COL23A1: variants seen among roughly 807,000 people sequenced by gnomAD.
COL23A1 encodes the protein collagen alpha-1(XXIII) chain.
In COL23A1, 97 loss-of-function variants were observed where a neutral mutation model predicts 99.3. The observed-to-expected ratio is 0.98, with a 90% CI of 0.83 to 1.16. The LOEUF (loss-of-function observed/expected upper bound fraction) is 1.16, where lower values mean the gene tolerates loss of function less well. Among genes scored for constraint, COL23A1 ranks in the 50% most tolerant of loss-of-function variants. The pLI, the probability that COL23A1 is intolerant of heterozygous loss-of-function variation, is 0.00. For synonymous variants in COL23A1, 320 were observed against 308.2 expected, an observed-to-expected ratio of 1.04 and a Z score of -0.40; for missense variants, 762 against 757.4, an observed-to-expected ratio of 1.01 and a Z score of -0.07.
At chr5:178,258,617 T>G (rs550227546) in intron 12 of COL23A1, among the ~76,000 whole-genome samples, 5 of 151,806 alleles carry the variant, frequency 3.3e-5, no homozygotes, top group South Asian at 2.1e-4. Context: ...GGATGGTCTC[T>G]ATCTCCTGAC....
At chr5:178,311,517 T>C (rs1353317042) in intron 2 of COL23A1, among the ~76,000 whole-genome samples, 4 of 58,592 alleles carry the variant, frequency 6.8e-5, no homozygotes, top group Admixed American at 1.6e-4. Context: ...CGCGTGTGTG[T>C]GTGTGTGTGT....
chr5:178,245,017 C>A (rs922200044), intron 25 of COL23A1, among the ~76,000 whole-genome samples: 4 of 143,980 alleles, frequency 2.8e-5, no homozygotes, highest in African/African-American at 7.8e-5. Flanking sequence ...CCCTCCACTG[C>A]CATCATCATC....
intron 2 of COL23A1, among the ~76,000 whole-genome samples, chr5:178,419,312 G>A (rs1015663974): frequency 5.9e-5 from 9 of 152,150 alleles, no homozygotes; most frequent in Non-Finnish European, 1.3e-4. Flanking sequence ...AGAGCCAGTC[G>A]CATGGAGGGT....
At chr5:178,425,466 T>TAAATAAATAAAA (rs1446238837) in intron 2 of COL23A1, among the ~76,000 whole-genome samples, 14 of 130,482 alleles carry the variant, frequency 1.1e-4, no homozygotes, top group Admixed American at 2.9e-4. Context: ...AATAAATAAA[T>TAAATAAATAAAA]AAAAATAAAA....
At chr5:178,269,550 TCATCCATCCATC>T (rs57845966) in intron 6 of COL23A1, among the ~76,000 whole-genome samples, 1 of 60,760 alleles carries the variant, frequency 1.6e-5, no homozygotes, top group Non-Finnish European at 3.2e-5. Flanking sequence ...CACCCATCCA[TCATCCATCCATC>T]CATCCATCCA....
In COL23A1 at chr5:178,366,481, C is replaced by T. The variant is rs1029543292; in HGVS notation, c.362-59562G>A. Among the ~76,000 whole-genome samples, 3 of 152,202 alleles carry T rather than the reference C, an allele frequency of 2.0e-5. No homozygotes were observed. The highest frequency in any genetic ancestry group is 4.8e-5 in the African/African-American group (2 of 41,456). On this transcript the variant is annotated intron_variant, in intron 2 of 28. Coordinates refer to ENST00000390654, the MANE Select transcript of COL23A1 (RefSeq NM_173465.4). This position sits in a 1 kb window ranked among gnomAD's most constrained non-coding sequence, Gnocchi z 4.4. The stretch of plus-strand genomic sequence containing the variant: ...GGCCATCATCTCTTGTGCATCTTTG[C>T]TCACGGCGTCTTCTGCACCTGCACT...
chr5:178,580,319 C>G (rs1763597004), intron 1 of COL23A1, among the ~76,000 whole-genome samples: 1 of 150,264 alleles, frequency 6.7e-6, no homozygotes, highest in Admixed American at 6.6e-5. Flanking sequence ...CAGACTGAGA[C>G]TCCATCTCAA....
intron 2 of COL23A1, among the ~76,000 whole-genome samples, chr5:178,465,084 C>T (rs748552526): frequency 6.6e-6 from 1 of 152,188 alleles, no homozygotes; most frequent in Non-Finnish European, 1.5e-5. Context: ...ATCCAAAGCC[C>T]AGCCAGGTGG....
rs565296292 is a variant in COL23A1, at chr5:178,365,278, G to A, written c.362-58359C>T. ...GCTCAGGCAGATGGTGTGGGAGAGCGAGGTTGTGCTTTGATGCATGGGGTA... is the reference window on the plus strand; with the variant it reads ...GCTCAGGCAGATGGTGTGGGAGAGCAAGGTTGTGCTTTGATGCATGGGGTA... On this transcript the variant is annotated intron_variant, in intron 2 of 28. Transcript: ENST00000390654. The surrounding 1 kb of genome is among the most constrained non-coding windows in gnomAD (Gnocchi z 5.2). 2.6e-5 allele frequency among the ~76,000 whole-genome samples: 4 copies of A among 152,154 alleles called. No homozygotes were observed. Among genetic ancestry groups the A allele is most frequent in the South Asian group, 2.1e-4 (1 of 4,822 alleles).
chr5:178,247,252 C>T lies in COL23A1; in HGVS notation c.1296+274G>A, dbSNP rs549161282. On this transcript the variant is annotated intron_variant, in intron 22 of 28. Transcript: ENST00000390654. ...AGGAGAAGGGGACAAGCAGTGGAAA[C>T]GGTGGTGGACCTGAGGAGGAGAGAG... Among the ~76,000 whole-genome samples the T allele has an allele frequency of 1.4e-4, 22 of 152,136 alleles. No individual in the cohort carries two copies. The South Asian group carries it at 3.9e-3, about 27-fold the overall frequency.
intron 2 of COL23A1, among the ~76,000 whole-genome samples, chr5:178,486,335 G>C (rs1190001050): frequency 6.6e-6 from 1 of 152,320 alleles, no homozygotes; most frequent in East Asian, 1.9e-4. Context: ...TCTTAGCCCA[G>C]GGAGGCTTAG....
chr5:178,576,382 G>A (rs1432239832), intron 1 of COL23A1, among the ~76,000 whole-genome samples: 1 of 152,158 alleles, frequency 6.6e-6, no homozygotes, highest in African/African-American at 2.4e-5. Context: ...GGGACTACAG[G>A]CGCCCCCCAC....
chr5:178,547,489 C>A (rs1046462272), intron 2 of COL23A1, among the ~76,000 whole-genome samples: 19 of 55,686 alleles, frequency 3.4e-4, no homozygotes, highest in East Asian at 2.0e-3. Context: ...ACACACACAC[C>A]CACACATCCC....
intron 2 of COL23A1, among the ~76,000 whole-genome samples, chr5:178,488,512 C>T (rs190939609): frequency 1.2e-4 from 18 of 152,260 alleles, no homozygotes; most frequent in Admixed American, 6.5e-4. Flanking sequence ...CGCCATCAGA[C>T]GCCAATTATA....
intron 2 of COL23A1, among the ~76,000 whole-genome samples, chr5:178,487,845 A>G (rs1450503658): frequency 6.6e-6 from 1 of 152,234 alleles, no homozygotes; most frequent in Non-Finnish European, 1.5e-5. Context: ...GGAAGACAAG[A>G]GCCACATTTG....
chr5:178,397,384 C>T (rs550815504), intron 2 of COL23A1, among the ~76,000 whole-genome samples: 11 of 152,160 alleles, frequency 7.2e-5, no homozygotes, highest in Middle Eastern at 3.2e-3. Context: ...ACAGCTGCAA[C>T]GGATCAGACA....
At chr5:178,472,597 AG>A (rs548734486) in intron 2 of COL23A1, among the ~76,000 whole-genome samples, 51 of 152,226 alleles carry the variant, frequency 3.4e-4, no homozygotes, top group African/African-American at 1.2e-3. Context: ...CATGGGTGCC[AG>A]GTGCTTATAA....
intron 4 of COL23A1, 100 bp from the exon 5 acceptor site, chr5:178,288,450 A>G: frequency 9.6e-7 from 1 of 1,039,742 alleles, no homozygotes. Flanking sequence ...CCGCCCCCCG[A>G]CAGCTGGTTG....
intron 2 of COL23A1, among the ~76,000 whole-genome samples, chr5:178,410,760 C>T (rs1765016096): frequency 6.6e-6 from 1 of 152,106 alleles, no homozygotes; most frequent in Non-Finnish European, 1.5e-5. Flanking sequence ...AAAGAAAAAC[C>T]TTCATCAAAA....
Sources: gnomAD v4.1 joint callset for allele counts (sites outside exome capture counted in the v4.1 genomes callset) on GRCh38, gnomAD v4.1.1 for gene constraint, Gnocchi (gnomAD v3.1) non-coding constraint, MANE v1.5 for transcripts, NCBI Gene and HGNC (gene_info 2026-07-23, HGNC 2026-07-21) for gene names.